PTPN14: variants seen among roughly 807,000 people sequenced by gnomAD.
The protein encoded by PTPN14 is protein tyrosine phosphatase non-receptor type 14, also known as tyrosine-protein phosphatase non-receptor type 14.
A neutral mutation model predicts 126.8 loss-of-function variants in PTPN14; 53 were observed. That is an observed-to-expected ratio of 0.42 (90% CI 0.34 to 0.53). PTPN14 has a LOEUF of 0.53. Ranked by LOEUF, PTPN14 falls within the 20% of genes least tolerant of loss-of-function variation. The pLI is 0.08. For synonymous variants in PTPN14, 630 were observed against 599.3 expected, an observed-to-expected ratio of 1.05 and a Z score of -0.75; for missense variants, 1,257 against 1,552.9, an observed-to-expected ratio of 0.81 and a Z score of 3.20.
At chr1:214,370,721 T>G (rs1309531180) in intron 16 of PTPN14, among the ~76,000 whole-genome samples, 1 of 152,128 alleles carries the variant, frequency 6.6e-6, no homozygotes, top group Non-Finnish European at 1.5e-5. Context: ...TGTTTCAGCT[T>G]TGCACCGTTT....
intron 1 of PTPN14, among the ~76,000 whole-genome samples, chr1:214,521,601 G>C (rs1156840854): frequency 6.6e-6 from 1 of 152,088 alleles, no homozygotes; most frequent in African/African-American, 2.4e-5. Context: ...TGTAATCCCA[G>C]CTACTCAGGA....
chr1:214,402,426 C>A (rs149124546), intron 6 of PTPN14, among the ~76,000 whole-genome samples: 13 of 82,704 alleles, frequency 1.6e-4, no homozygotes, highest in African/African-American at 5.4e-4. Flanking sequence ...GGTGACAGAG[C>A]GAGACTCTGT....
chr1:214,428,881 G>T (rs1659735996), intron 3 of PTPN14, among the ~76,000 whole-genome samples: 1 of 152,086 alleles, frequency 6.6e-6, no homozygotes, highest in African/African-American at 2.4e-5. Flanking sequence ...AGTATAACTT[G>T]ATCAAAAGGC....
At chr1:214,439,031 C>T (rs890588075) in intron 3 of PTPN14, among the ~76,000 whole-genome samples, 18 of 152,144 alleles carry the variant, frequency 1.2e-4, no homozygotes, top group African/African-American at 4.1e-4. Context: ...CAAGTCTGTT[C>T]TCCTTCTTTT....
At position 214,481,499 on chromosome 1, in the gene PTPN14, G is replaced by A. The variant is rs1307092611; in HGVS notation, c.-154-16542C>T. 7.0e-4 allele frequency among the ~76,000 whole-genome samples: 30 copies of A among 43,112 alleles called. No homozygotes were observed. In the East Asian group the frequency reaches 8.7e-3, roughly 13 times the overall value. The allele number at this position is 43,112 out of a possible 152,430, so 28.3% of individuals were successfully genotyped here. ...GCACTCCAGCCTGGGAAACAAGCGC[G>A]AAACTCCCGCTCAAAAAAAAAAAAA... On this transcript the variant is annotated intron_variant, in intron 1 of 18. Coordinates refer to ENST00000366956, the MANE Select transcript of PTPN14 (RefSeq NM_005401.5).
chr1:214,364,418 C>A lies in PTPN14; in HGVS notation c.3435+94G>T, dbSNP rs1658025771. The stretch of plus-strand genomic sequence containing the variant: ...CTCTGGTTGGGAGACAGGAAATTAA[C>A]CACTGAAAATGCAAGGGTGCAGGCA... On this transcript the variant is annotated intron_variant, in intron 18 of 18. Transcript: ENST00000366956. This position sits in a 1 kb window ranked among gnomAD's most constrained non-coding sequence, Gnocchi z 4.1. The A allele has an allele frequency of 2.8e-6, 4 of 1,452,324 alleles. No individual in the cohort carries two copies. In the South Asian group the frequency reaches 4.1e-5, roughly 15 times the overall value. 90.0% of individuals were successfully genotyped at this position (1,452,324 alleles called of 1,614,324 possible).
intron 1 of PTPN14, among the ~76,000 whole-genome samples, chr1:214,535,333 A>G (rs1441312118): frequency 1.3e-5 from 2 of 152,208 alleles, no homozygotes; most frequent in African/African-American, 4.8e-5. Context: ...CTTCAATGAC[A>G]TAAAGATTAG....
At chr1:214,359,458 G>A (rs1181422419) in intron 18 of PTPN14, among the ~76,000 whole-genome samples, 2 of 149,654 alleles carry the variant, frequency 1.3e-5, no homozygotes, top group Non-Finnish European at 1.5e-5. Flanking sequence ...TCCTGACCTC[G>A]TGATCCGCCT....
chr1:214,407,409 T>A (rs1000576030), intron 5 of PTPN14, among the ~76,000 whole-genome samples: 4 of 151,396 alleles, frequency 2.6e-5, no homozygotes, highest in African/African-American at 9.7e-5. Flanking sequence ...GCATCTGTAA[T>A]CCCAGCTACT....
In PTPN14 at chr1:214,501,099, G is replaced by A. The variant is rs1214323115; in HGVS notation, c.-154-36142C>T. Among the ~76,000 whole-genome samples the A allele has an allele frequency of 2.0e-5, 3 of 152,194 alleles. No individual in the cohort carries two copies. The East Asian group carries it at 5.8e-4, about 29-fold the overall frequency. The stretch of plus-strand genomic sequence containing the variant: ...AACACCAAAGTTCAAGGAATAATGT[G>A]ATAAATAGCGCAATTCGTCTCATGG... On this transcript the variant is annotated intron_variant, in intron 1 of 18. Transcript: ENST00000366956.
intron 1 of PTPN14, among the ~76,000 whole-genome samples, chr1:214,494,111 C>T (rs1661308828): frequency 6.6e-6 from 1 of 152,026 alleles, no homozygotes; most frequent in Non-Finnish European, 1.5e-5. Context: ...CGCACTGTCG[C>T]CCAGGCTGGA....
At chr1:214,377,846 T>C (rs984927897) in intron 14 of PTPN14, 113 bp downstream of exon 14, 101 of 1,289,820 alleles carry the variant, frequency 7.8e-5, no homozygotes, top group Non-Finnish European at 9.7e-5. Flanking sequence ...TAATCTCAGA[T>C]TGAAGAAAGA....
intron 1 of PTPN14, among the ~76,000 whole-genome samples, chr1:214,488,601 G>C (rs772357390): frequency 6.6e-6 from 1 of 152,172 alleles, no homozygotes. Flanking sequence ...GAACATTCAG[G>C]AGCATCATTA....
intron 12 of PTPN14, among the ~76,000 whole-genome samples, chr1:214,386,435 GA>G (rs1658611249): frequency 1.3e-5 from 2 of 152,194 alleles, no homozygotes; most frequent in South Asian, 4.1e-4. Flanking sequence ...AGAAAAGGCT[GA>G]CTTTGTTTAT....
chr1:214,464,181 G>T (rs1268473250), intron 2 of PTPN14, among the ~76,000 whole-genome samples: 1 of 136,406 alleles, frequency 7.3e-6, no homozygotes, highest in Non-Finnish European at 1.5e-5. Context: ...ATTCGGTGGG[G>T]TTTTTTTTTT....
chr1:214,387,638 A>G (rs1658652513), intron 11 of PTPN14, among the ~76,000 whole-genome samples: 1 of 149,954 alleles, frequency 6.7e-6, no homozygotes, highest in South Asian at 2.1e-4. Flanking sequence ...AGATCATGCT[A>G]CCGCACTCCA....
chr1:214,423,659 G>A (rs764959604), intron 3 of PTPN14, among the ~76,000 whole-genome samples: 9 of 152,274 alleles, frequency 5.9e-5, no homozygotes, highest in African/African-American at 9.6e-5. Flanking sequence ...CACTGAAGGC[G>A]CATTTTCTCA....
At chr1:214,363,973 C>T (rs796073196) in intron 18 of PTPN14, among the ~76,000 whole-genome samples, 71 of 152,284 alleles carry the variant, frequency 4.7e-4, no homozygotes, top group African/African-American at 7.7e-4. Flanking sequence ...GATGCAAAGA[C>T]GGGGATGTTT....
intron 1 of PTPN14, among the ~76,000 whole-genome samples, chr1:214,521,060 T>G (rs1454736322): frequency 1.3e-5 from 2 of 152,200 alleles, no homozygotes; most frequent in Non-Finnish European, 2.9e-5. Context: ...TCTGTTTTCC[T>G]AAGTAGAAAA....
Sources: allele counts gnomAD v4.1 joint callset (sites outside exome capture counted in the v4.1 genomes callset), GRCh38; gene constraint gnomAD v4.1.1; non-coding constraint Gnocchi (gnomAD v3.1); transcripts MANE v1.5; gene names NCBI Gene and HGNC (gene_info 2026-07-23, HGNC 2026-07-21).